TIAM1: variants seen among roughly 807,000 people sequenced by gnomAD.
The protein encoded by TIAM1 is TIAM Rac1 associated GEF 1.
In TIAM1, 65 loss-of-function variants were observed where a neutral mutation model predicts 163.5. That is an observed-to-expected ratio of 0.40 (90% confidence interval 0.33 to 0.49). TIAM1 has a LOEUF of 0.49. Ranked by LOEUF, TIAM1 falls within the 20% of genes least tolerant of loss-of-function variation. TIAM1 has a pLI of 0.77. For synonymous variants in TIAM1, 833 were observed against 810.1 expected, an observed-to-expected ratio of 1.03 and a Z score of -0.48; for missense variants, 1,789 against 2,044.7, an observed-to-expected ratio of 0.87 and a Z score of 2.41.
chr21:31,267,548 C>A (rs1225937834), intron 3 of TIAM1, among the ~76,000 whole-genome samples: 1 of 133,102 alleles, frequency 7.5e-6, no homozygotes, highest in Non-Finnish European at 1.6e-5. Context: ...TATTTGAGCT[C>A]TAATGATACT....
At chr21:31,523,133 A>G (rs1343703766) in intron 1 of TIAM1, among the ~76,000 whole-genome samples, 1 of 152,254 alleles carries the variant, frequency 6.6e-6, no homozygotes, top group East Asian at 1.9e-4. Context: ...GATACCTGCA[A>G]AGAGAGGTAA....
intron 12 of TIAM1, among the ~76,000 whole-genome samples, chr21:31,200,680 A>C (rs1293636685): frequency 6.7e-6 from 1 of 149,856 alleles, no homozygotes; most frequent in Non-Finnish European, 1.5e-5. Context: ...AATTCAAAAA[A>C]TATTTTTGAG....
intron 5 of TIAM1, among the ~76,000 whole-genome samples, chr21:31,247,952 T>A (rs924419635): frequency 6.6e-6 from 1 of 152,212 alleles, no homozygotes; most frequent in African/African-American, 2.4e-5. Flanking sequence ...GAGGTTCTTA[T>A]GATGGGGCAA....
rs144790677 is a variant in TIAM1, at chr21:31,508,475, G to A, written c.-421-44440C>T. ...ACAATCTCGGCTCACTGCAACCTCC[G>A]CCTCCCGGGTTCAAGCGATTCTCCT... On this transcript the variant is annotated intron_variant, in intron 1 of 28. Coordinates refer to the TIAM1 transcript ENST00000286827. Among the ~76,000 whole-genome samples, 1,156 of 146,912 alleles carry A rather than the reference G, an allele frequency of 7.9e-3. 13 individuals are homozygous for A. Among genetic ancestry groups the A allele is most frequent in the African/African-American group, 0.028 (1,106 of 39,700 alleles).
chr21:31,460,827 C>T (rs2045298556), intron 2 of TIAM1, among the ~76,000 whole-genome samples: 2 of 152,124 alleles, frequency 1.3e-5, no homozygotes, highest in South Asian at 2.1e-4. Flanking sequence ...TCTTTTCTTC[C>T]ACCATTTTTA....
intron 5 of TIAM1, among the ~76,000 whole-genome samples, chr21:31,246,309 G>A (rs2071499345): frequency 6.6e-6 from 1 of 152,126 alleles, no homozygotes; most frequent in Non-Finnish European, 1.5e-5. Context: ...GGAGAAGCCG[G>A]AGTCCTGGTC....
chr21:31,134,996 T>C (rs1181610663), intron 23 of TIAM1, among the ~76,000 whole-genome samples: 2 of 151,836 alleles, frequency 1.3e-5, no homozygotes, highest in Non-Finnish European at 2.9e-5. Context: ...GTTCACATCA[T>C]GGAGGAAAAA....
At chr21:31,465,237 A>G (rs972020740) in intron 1 of TIAM1, among the ~76,000 whole-genome samples, 1 of 151,716 alleles carries the variant, frequency 6.6e-6, no homozygotes, top group African/African-American at 2.4e-5. Context: ...AAGCTAATAT[A>G]TTCTTATTTT....
intron 2 of TIAM1, among the ~76,000 whole-genome samples, chr21:31,398,408 T>C (rs1478469960): frequency 6.6e-6 from 1 of 152,000 alleles, no homozygotes; most frequent in Non-Finnish European, 1.5e-5. Context: ...CTGAAGAAAA[T>C]GTCAAAAATT....
intron 2 of TIAM1, among the ~76,000 whole-genome samples, chr21:31,458,655 C>A (rs1305915109): frequency 1.3e-5 from 2 of 151,676 alleles, no homozygotes; most frequent in African/African-American, 2.4e-5. Flanking sequence ...CTTGGGAACC[C>A]TTTACTCTAA....
intron 6 of TIAM1, among the ~76,000 whole-genome samples, chr21:31,240,152 A>G (rs999932012): frequency 3.3e-5 from 5 of 152,174 alleles, no homozygotes; most frequent in South Asian, 4.1e-4. Flanking sequence ...GTATACTGGC[A>G]TAACTGTTAA....
chr21:31,205,664 T>C (rs1259409411), intron 11 of TIAM1, among the ~76,000 whole-genome samples: 4 of 152,114 alleles, frequency 2.6e-5, no homozygotes, highest in Non-Finnish European at 5.9e-5. Context: ...AATATAGCAA[T>C]GGTAATAAGA....
chr21:31,283,158 C>A (rs2073644895), intron 2 of TIAM1, among the ~76,000 whole-genome samples: 1 of 152,238 alleles, frequency 6.6e-6, no homozygotes, highest in South Asian at 2.1e-4. Flanking sequence ...TACTATCTGG[C>A]TGGCACTGTG....
intron 1 of TIAM1, among the ~76,000 whole-genome samples, chr21:31,473,095 GT>G (rs2045806216): frequency 6.6e-6 from 1 of 152,100 alleles, no homozygotes; most frequent in South Asian, 2.1e-4. Context: ...ATTTTCTGGG[GT>G]TTTCCCACTC....
chr21:31,154,548 T>C (rs1568932488), intron 16 of TIAM1, 122 bp from the exon 17 acceptor site: 1 of 1,010,384 alleles, frequency 9.9e-7, no homozygotes, highest in Non-Finnish European at 1.4e-6. Flanking sequence ...AATGTCGTCT[T>C]GTGTTTCCAC....
intron 2 of TIAM1, among the ~76,000 whole-genome samples, chr21:31,450,759 A>T (rs779945677): frequency 2.6e-4 from 39 of 152,152 alleles, no homozygotes; most frequent in Non-Finnish European, 5.0e-4. Context: ...CAGGCAAGAG[A>T]GAGAATGAGA....
intron 2 of TIAM1, among the ~76,000 whole-genome samples, chr21:31,376,279 A>T (rs2076685518): frequency 6.6e-6 from 1 of 152,084 alleles, no homozygotes; most frequent in Non-Finnish European, 1.5e-5. Flanking sequence ...TGATAAATGC[A>T]TCTCAGTCTC....
chr21:31,380,574 A>G (rs148756643), intron 2 of TIAM1, among the ~76,000 whole-genome samples: 176 of 152,194 alleles, frequency 1.2e-3, no homozygotes, highest in African/African-American at 3.9e-3. Flanking sequence ...TATAAAGTAA[A>G]GTAAATATAA....
intron 2 of TIAM1, among the ~76,000 whole-genome samples, chr21:31,295,540 C>G (rs890469909): frequency 6.6e-6 from 1 of 150,690 alleles, no homozygotes; most frequent in Admixed American, 6.6e-5. Flanking sequence ...AGATGGGGAC[C>G]CCAAAAATGT....
Sources: gnomAD v4.1 joint callset for allele counts (sites outside exome capture counted in the v4.1 genomes callset) on GRCh38, gnomAD v4.1.1 for gene constraint, MANE v1.5 for transcripts, NCBI Gene and HGNC (gene_info 2026-07-23, HGNC 2026-07-21) for gene names.